Variants in HS3ST3B1 observed in about 807,000 individuals in gnomAD.
The protein encoded by HS3ST3B1 is heparan sulfate glucosamine 3-O-sulfotransferase 3B1.
Under a neutral mutation model 21.3 loss-of-function variants are expected in HS3ST3B1, and 13 were observed. The observed-to-expected ratio is 0.61, with a 90% CI of 0.40 to 0.97. The LOEUF is 0.97. HS3ST3B1 is among the 50% of genes least tolerant of loss of function. HS3ST3B1 has a pLI of 0.00. For missense variants in HS3ST3B1, 459 were observed against 554.8 expected (o/e 0.83, Z 1.73); for synonymous variants, 234 against 254.8 (o/e 0.92, Z 0.78).
chr17:14,337,736 G>C (rs541768683), intron 1 of HS3ST3B1, among the ~76,000 whole-genome samples: 10 of 151,528 alleles, frequency 6.6e-5, no homozygotes, highest in Admixed American at 1.3e-4. Context: ...GCAGCTGAGC[G>C]TGTGACCTTC....
intron 1 of HS3ST3B1, among the ~76,000 whole-genome samples, chr17:14,321,513 G>T (rs751080868): frequency 9.1e-4 from 139 of 152,158 alleles, no homozygotes; most frequent in Non-Finnish European, 1.8e-3. Flanking sequence ...GGGCAGAGGG[G>T]ATAGCCCTGG....
In HS3ST3B1 at chr17:14,303,683, C is replaced by A. The variant is rs1033669786; in HGVS notation, c.554+1611C>A. Among the ~76,000 whole-genome samples the A allele has an allele frequency of 6.6e-6, 1 of 152,150 alleles. No homozygotes were observed. Among genetic ancestry groups the A allele is most frequent in the Non-Finnish European group, 1.5e-5 (1 of 68,042 alleles). ...CTGGTACGGTAAGGTGCCTCGCAGG[C>A]ACGTGAGGGCCTCTCTAATCGTTAG... On this transcript the variant is annotated intron_variant, in intron 1 of 1. Transcript: ENST00000360954. This position sits in a 1 kb window ranked among gnomAD's most constrained non-coding sequence, Gnocchi z 5.7.
chr17:14,301,631 C>T lies in HS3ST3B1; in HGVS notation c.113C>T (p.Ala38Val), dbSNP rs371495545. The part of the protein sequence containing the change: ...PVRRKLALLF[A>V]MLCVWLYMFL... ...AGGAGGAAGCTCGCGCTGCTCTTCG[C>T]CATGCTCTGCGTCTGGCTCTATATG... The change falls in exon 1 of 2, where the codon GCC (alanine) becomes GTC (valine). Residue 38 changes from alanine (A) to valine (V), a missense_variant. Physicochemically the swap from Ala to Val is moderately conservative, Grantham distance 64. Transcript: ENST00000360954. 49 of 1,607,612 alleles carry T rather than the reference C, an allele frequency of 3.0e-5. No homozygotes were observed. Among genetic ancestry groups the T allele is most frequent in the Non-Finnish European group, 4.0e-5 (47 of 1,178,838 alleles).
At chr17:14,341,803 C>T (rs780948662) in intron 1 of HS3ST3B1, among the ~76,000 whole-genome samples, 3 of 152,184 alleles carry the variant, frequency 2.0e-5, no homozygotes, top group Non-Finnish European at 2.9e-5. Flanking sequence ...TGTCTAGTTG[C>T]AGATGGCTTA....
At chr17:14,314,065 C>T (rs185696111) in intron 1 of HS3ST3B1, among the ~76,000 whole-genome samples, 81 of 152,074 alleles carry the variant, frequency 5.3e-4, no homozygotes, top group Middle Eastern at 3.4e-3. Flanking sequence ...CCGCAACCTC[C>T]GCCTCCCGGG....
At position 14,347,454 on chromosome 17, in the gene HS3ST3B1, T is replaced by A. The variant is rs1309811772; in HGVS notation, c.*1808T>A. 2.6e-5 allele frequency: 4 copies of A among 152,248 alleles called. No individual in the cohort carries two copies. Among genetic ancestry groups the A allele is most frequent in the Non-Finnish European group, 4.4e-5 (3 of 68,044 alleles). The allele number at this position is 152,248 out of a possible 1,614,324, so 9.4% of individuals were successfully genotyped here. A position where few individuals can be genotyped will look rare whatever the true frequency, so the allele number is the denominator to read the frequency against. On this transcript the variant is annotated 3_prime_UTR_variant, in exon 2 of 2. Coordinates refer to ENST00000360954, the MANE Select transcript of HS3ST3B1 (RefSeq NM_006041.3). ...GCTTCTACCATAAAAGAATTGTGATTTCAGTTATACTTCCATCAAGGAATA... is the reference window on the plus strand; with the variant it reads ...GCTTCTACCATAAAAGAATTGTGATATCAGTTATACTTCCATCAAGGAATA...
intron 1 of HS3ST3B1, among the ~76,000 whole-genome samples, chr17:14,314,534 TA>T (rs1909440771): frequency 1.3e-5 from 2 of 152,190 alleles, no homozygotes; most frequent in Non-Finnish European, 2.9e-5. Context: ...GAATCTAATA[TA>T]AAGGAAGCCT....
rs780869852 is a variant in HS3ST3B1, at chr17:14,301,479, T to C, written c.-40T>C. ...TCACTGCCCGGCGGGACCCACGCCA[T>C]GTGCTGAGCCATGTCCCTGGCCGCG... On this transcript the variant is annotated 5_prime_UTR_variant, in exon 1 of 2. It removes an upstream start codon present in the reference 5' UTR. Transcript: ENST00000360954. 1 of 1,417,652 alleles carries C rather than the reference T, an allele frequency of 7.1e-7. No homozygotes were observed. Among genetic ancestry groups the C allele is most frequent in the South Asian group, 1.5e-5 (1 of 66,990 alleles). The allele number at this position is 1,417,652 out of a possible 1,614,324, so 87.8% of individuals were successfully genotyped here.
chr17:14,346,060 G>T lies in HS3ST3B1; in HGVS notation c.*414G>T. 5.5e-6 allele frequency: 1 copy of T among 181,992 alleles called. No individual in the cohort carries two copies. The highest frequency in any genetic ancestry group is 1.2e-5 in the Non-Finnish European group (1 of 86,696). The allele number at this position is 181,992 out of a possible 1,614,324, so 11.3% of individuals were successfully genotyped here. ...TCCTGCCTGTGTACCTCGTAGGAAC[G>T]CTGAGCTGCCTCAACAGGGCTGTAT... On this transcript the variant is annotated 3_prime_UTR_variant, in exon 2 of 2. Coordinates refer to ENST00000360954, the MANE Select transcript of HS3ST3B1 (RefSeq NM_006041.3).
At chr17:14,325,580 A>C (rs530361667) in intron 1 of HS3ST3B1, among the ~76,000 whole-genome samples, 1 of 152,248 alleles carries the variant, frequency 6.6e-6, no homozygotes, top group Non-Finnish European at 1.5e-5. Flanking sequence ...GAGTCTCTCA[A>C]AAGCAATAAA....
chr17:14,306,459 C>T (rs1207599835), intron 1 of HS3ST3B1, among the ~76,000 whole-genome samples: 1 of 152,128 alleles, frequency 6.6e-6, no homozygotes, highest in African/African-American at 2.4e-5. Flanking sequence ...AAAAGAGTGC[C>T]CCCAAATCAA....
At chr17:14,326,039 G>A (rs111387596) in intron 1 of HS3ST3B1, among the ~76,000 whole-genome samples, 3 of 152,074 alleles carry the variant, frequency 2.0e-5, no homozygotes. Context: ...GTGTGTGCAC[G>A]CACGTGTGTG....
intron 1 of HS3ST3B1, among the ~76,000 whole-genome samples, chr17:14,314,601 G>A (rs1187648507): frequency 6.6e-6 from 1 of 152,202 alleles, no homozygotes; most frequent in Non-Finnish European, 1.5e-5. Context: ...TATGTTGACA[G>A]GTTGGGAGGT....
chr17:14,309,789 A>G lies in HS3ST3B1; in HGVS notation c.554+7717A>G, dbSNP rs56787073. Among the ~76,000 whole-genome samples, 438 of 152,310 alleles carry G rather than the reference A, an allele frequency of 2.9e-3. 1 individual carries two copies. Among genetic ancestry groups the G allele is most frequent in the African/African-American group, 0.01 (421 of 41,566 alleles). On this transcript the variant is annotated intron_variant, in intron 1 of 1. Transcript: ENST00000360954. ...CGAATGTTCGGCTCCCGAGTCCTGC[A>G]GGGAGACCGTCTCGCCTTCTGCAGC...
chr17:14,340,806 C>A (rs563393365), intron 1 of HS3ST3B1, among the ~76,000 whole-genome samples: 5 of 152,226 alleles, frequency 3.3e-5, no homozygotes, highest in African/African-American at 9.6e-5. Flanking sequence ...TGGTCTTGAA[C>A]TCCTGACCTC....
At chr17:14,308,847 C>T (rs1279763635) in intron 1 of HS3ST3B1, among the ~76,000 whole-genome samples, 1 of 152,184 alleles carries the variant, frequency 6.6e-6, no homozygotes, top group Admixed American at 6.5e-5. Flanking sequence ...TCCCTGTTTT[C>T]TCCCAAGTCT....
chr17:14,319,519 T>G (rs554506164), intron 1 of HS3ST3B1, among the ~76,000 whole-genome samples: 37 of 152,332 alleles, frequency 2.4e-4, no homozygotes, highest in African/African-American at 8.7e-4. Context: ...ATTTAAGTAC[T>G]GACATTAATG....
chr17:14,303,402 C>T lies in HS3ST3B1; in HGVS notation c.554+1330C>T, dbSNP rs1909010912. 6.6e-6 allele frequency among the ~76,000 whole-genome samples: 1 copy of T among 152,180 alleles called. No individual in the cohort carries two copies. Among genetic ancestry groups the T allele is most frequent in the South Asian group, 2.1e-4 (1 of 4,826 alleles). ...GGCTCCCTTCCCAGCCTCGTCCTACCCCTTCCCCTTTGTCCTTAATGGTTT... is the reference window on the plus strand; with the variant it reads ...GGCTCCCTTCCCAGCCTCGTCCTACTCCTTCCCCTTTGTCCTTAATGGTTT... On this transcript the variant is annotated intron_variant, in intron 1 of 1. Transcript: ENST00000360954. This position sits in a 1 kb window ranked among gnomAD's most constrained non-coding sequence, Gnocchi z 5.7.
In HS3ST3B1 at chr17:14,301,783, C is replaced by T; in HGVS notation, c.265C>T (p.Pro89Ser). 6.4e-7 allele frequency: 1 copy of T among 1,557,422 alleles called. No homozygotes were observed. Residue 89 changes from proline (P) to serine (S), a missense_variant, in exon 1 of 2, where the codon CCG (proline) becomes TCG (serine). Transcript: ENST00000360954. ...TCCGGACGGGACGCCCCCCAGGCTG[C>T]CGTTCCGGGCGCCGCCAGCCACCCC... is the stretch of plus-strand genomic sequence containing the variant. The part of the protein sequence containing the change: ...TAPDGTPPRL[P>S]FRAPPATPLA...
Sources: gnomAD v4.1 joint callset for allele counts (sites outside exome capture counted in the v4.1 genomes callset) on GRCh38, gnomAD v4.1.1 for gene constraint, Gnocchi (gnomAD v3.1) non-coding constraint, MANE v1.5 for transcripts, NCBI Gene and HGNC (gene_info 2026-07-23, HGNC 2026-07-21) for gene names.